Variants in ANKRD44 observed in about 807,000 individuals in gnomAD.
ANKRD44 encodes serine/threonine-protein phosphatase 6 regulatory ankyrin repeat subunit B.
A neutral mutation model predicts 116.0 loss-of-function variants in ANKRD44; 35 were observed. The ratio of observed to expected loss-of-function variants is 0.30; its 90% CI spans 0.23 to 0.40. The LOEUF (loss-of-function observed/expected upper bound fraction) is 0.40. ANKRD44 is among the 10% of genes least tolerant of loss of function. The probability of loss-of-function intolerance (pLI) is 1.00; values close to 1 mark genes in which losing one functional copy is unlikely to be tolerated. For synonymous variants in ANKRD44, 435 were observed against 461.8 expected (o/e 0.94, Z 0.74); for missense variants, 1,014 against 1,242.6 (o/e 0.82, Z 2.77).
chr2:197,251,755 T>C (rs1050941116), intron 1 of ANKRD44, among the ~76,000 whole-genome samples: 1 of 152,254 alleles, frequency 6.6e-6, no homozygotes, highest in African/African-American at 2.4e-5. Flanking sequence ...GAATGCAGAC[T>C]GAATGACTGG....
chr2:197,039,680 CGT>C (rs10535447), intron 16 of ANKRD44, among the ~76,000 whole-genome samples: 10,156 of 141,300 alleles, frequency 0.072, 406 homozygotes, highest in Middle Eastern at 0.11. Flanking sequence ...TGTGTGTGTG[CGT>C]GTGTGTGTGT....
At chr2:197,221,250 C>CAA (rs71395676) in intron 1 of ANKRD44, among the ~76,000 whole-genome samples, 74 of 131,470 alleles carry the variant, frequency 5.6e-4, no homozygotes, top group East Asian at 1.8e-3. Flanking sequence ...GACTCCATCT[C>CAA]AAAAAAAAAA....
intron 2 of ANKRD44, among the ~76,000 whole-genome samples, chr2:197,147,609 T>G (rs1210959091): frequency 6.6e-6 from 1 of 152,092 alleles, no homozygotes; most frequent in Admixed American, 6.5e-5. Flanking sequence ...TGCCCATTCA[T>G]GAAATACTTA....
intron 1 of ANKRD44, among the ~76,000 whole-genome samples, chr2:197,294,658 C>G (rs548551454): frequency 7.9e-5 from 12 of 152,274 alleles, no homozygotes; most frequent in South Asian, 6.2e-4. Flanking sequence ...TCAGAGAGAA[C>G]CTTCTAGAAT....
intron 1 of ANKRD44, among the ~76,000 whole-genome samples, chr2:197,278,518 G>A (rs922401025): frequency 2.0e-5 from 3 of 152,004 alleles, no homozygotes; most frequent in South Asian, 2.1e-4. Context: ...CACCACGCCC[G>A]GTTAATTTTT....
chr2:197,226,411 A>T (rs765038675), intron 1 of ANKRD44, among the ~76,000 whole-genome samples: 25 of 152,306 alleles, frequency 1.6e-4, no homozygotes, highest in Admixed American at 7.8e-4. Flanking sequence ...CACGCCTGTA[A>T]TCCTAGTACT....
intron 18 of ANKRD44, among the ~76,000 whole-genome samples, chr2:197,012,336 A>G (rs1188893568): frequency 6.6e-6 from 1 of 152,188 alleles, no homozygotes; most frequent in Non-Finnish European, 1.5e-5. Context: ...CCACAATCAA[A>G]GTAGGCCCTT....
intron 18 of ANKRD44, among the ~76,000 whole-genome samples, chr2:197,009,661 G>C (rs2076261943): frequency 6.6e-6 from 1 of 152,180 alleles, no homozygotes; most frequent in Non-Finnish European, 1.5e-5. Context: ...GAGCCACCGT[G>C]CCTGGCCCCA....
At chr2:197,063,089 T>G (rs963676563) in intron 16 of ANKRD44, among the ~76,000 whole-genome samples, 1 of 152,128 alleles carries the variant, frequency 6.6e-6, no homozygotes, top group African/African-American at 2.4e-5. Context: ...GACTGACACC[T>G]CATGCGCCTG....
intron 1 of ANKRD44, among the ~76,000 whole-genome samples, chr2:197,191,860 C>T (rs1306958987): frequency 6.6e-6 from 1 of 152,166 alleles, no homozygotes; most frequent in Non-Finnish European, 1.5e-5. Context: ...CCCTGAGGAT[C>T]CAGGTTTTAG....
At chr2:197,044,842 A>G (rs993833530) in intron 16 of ANKRD44, among the ~76,000 whole-genome samples, 3 of 152,200 alleles carry the variant, frequency 2.0e-5, no homozygotes, top group Non-Finnish European at 4.4e-5. Context: ...AAAGAGCTAT[A>G]AAAAGGAAGT....
In ANKRD44 at chr2:197,082,117, T is replaced by G. The variant is rs373801758; in HGVS notation, c.1458-392A>C. ...TCATTTGTCCAGAAATGGGGTCCTA[T>G]TCACCCTTCGTCTGCCAGAACAATT... On this transcript the variant is annotated intron_variant, in intron 14 of 27. Transcript: ENST00000282272. Among the ~76,000 whole-genome samples, 176 of 152,310 alleles carry G rather than the reference T, an allele frequency of 1.2e-3. 2 individuals are homozygous for G. Among genetic ancestry groups the G allele is most frequent in the African/African-American group, 3.9e-3 (164 of 41,574 alleles).
At position 197,023,064 on chromosome 2, in the gene ANKRD44, T is replaced by C. The variant is rs538834319; in HGVS notation, c.1722+2132A>G. 4.6e-5 allele frequency among the ~76,000 whole-genome samples: 7 copies of C among 152,380 alleles called. No individual in the cohort carries two copies. In the East Asian group the frequency reaches 1.3e-3, roughly 29 times the overall value. On this transcript the variant is annotated intron_variant, in intron 17 of 27. Transcript: ENST00000282272. Reference sequence around the variant, plus strand: ...TGCTTGGCACTATTCACAGTCAGTGTATGTTGGATGAAAGGATGATGTTAA... The same window carrying C: ...TGCTTGGCACTATTCACAGTCAGTGCATGTTGGATGAAAGGATGATGTTAA...
At chr2:197,147,176 A>G in intron 2 of ANKRD44, 71 bp from the exon 3 acceptor site, 2 of 1,302,214 alleles carry the variant, frequency 1.5e-6, no homozygotes, top group Admixed American at 3.5e-5. Flanking sequence ...AGACATAGTA[A>G]GACGTGTCAC....
intron 2 of ANKRD44, among the ~76,000 whole-genome samples, chr2:197,176,970 T>C (rs372334677): frequency 3.9e-5 from 6 of 152,304 alleles, no homozygotes; most frequent in African/African-American, 1.2e-4. Context: ...TGGAAGGCCC[T>C]CTGGCTGTCA....
At chr2:197,190,556 C>A (rs1652734344) in intron 1 of ANKRD44, among the ~76,000 whole-genome samples, 1 of 152,196 alleles carries the variant, frequency 6.6e-6, no homozygotes, top group East Asian at 1.9e-4. Context: ...AAAAACATTC[C>A]CAGAGAGCAC....
At chr2:197,009,982 A>G (rs1158515215) in intron 18 of ANKRD44, among the ~76,000 whole-genome samples, 1 of 151,944 alleles carries the variant, frequency 6.6e-6, no homozygotes, top group Non-Finnish European at 1.5e-5. Flanking sequence ...CCCTGCCTCC[A>G]ACCCCTTTAA....
At chr2:197,208,876 T>C (rs1187798692) in intron 1 of ANKRD44, among the ~76,000 whole-genome samples, 1 of 152,176 alleles carries the variant, frequency 6.6e-6, no homozygotes, top group African/African-American at 2.4e-5. Flanking sequence ...AATGGTAAGC[T>C]TGGAGAAGAA....
At chr2:197,304,337 A>C (rs2084005493) in intron 1 of ANKRD44, among the ~76,000 whole-genome samples, 1 of 152,140 alleles carries the variant, frequency 6.6e-6, no homozygotes, top group Admixed American at 6.5e-5. Flanking sequence ...TACAGAATAA[A>C]TAAAATGGGT....
Sources: gnomAD v4.1 joint callset for allele counts (sites outside exome capture counted in the v4.1 genomes callset) on GRCh38, gnomAD v4.1.1 for gene constraint, MANE v1.5 for transcripts, NCBI Gene and HGNC (gene_info 2026-07-23, HGNC 2026-07-21) for gene names.